Variants in MYPN observed in about 807,000 individuals in gnomAD.
MYPN encodes sarcomeric protein myopalladin, 145 kDa (MYOP).
In MYPN, 63 loss-of-function variants were observed where a neutral mutation model predicts 129.4. The ratio of observed to expected loss-of-function variants is 0.49; its 90% confidence interval spans 0.40 to 0.60. MYPN has a LOEUF of 0.60. MYPN is among the 20% of genes least tolerant of loss of function. The probability of loss-of-function intolerance (pLI) is 0.00; values close to 1 mark genes in which losing one functional copy is unlikely to be tolerated. For synonymous variants in MYPN, 629 were observed against 600.9 expected, an observed-to-expected ratio of 1.05 and a Z score of -0.68; for missense variants, 1,596 against 1,635.4, an observed-to-expected ratio of 0.98 and a Z score of 0.42.
chr10:68,119,834 G>A (rs1427132123), intron 1 of MYPN, among the ~76,000 whole-genome samples: 1 of 152,166 alleles, frequency 6.6e-6, no homozygotes, highest in Admixed American at 6.5e-5. Flanking sequence ...ACTGTGGATG[G>A]TCCTTTCAGT....
intron 2 of MYPN, among the ~76,000 whole-genome samples, chr10:68,138,882 G>C (rs952699701): frequency 3.3e-5 from 5 of 152,184 alleles, no homozygotes; most frequent in Admixed American, 6.5e-5. Flanking sequence ...ATGCTTCTTT[G>C]CTTGTACAAC....
intron 16 of MYPN, 39 bp downstream of exon 16, chr10:68,197,517 A>C (rs2043629957): frequency 1.2e-6 from 2 of 1,609,864 alleles, no homozygotes; most frequent in African/African-American, 2.7e-5. Flanking sequence ...AGATCTGTTC[A>C]TATTTTGTAT....
rs71009012 is a variant in MYPN at position 68,168,991 on chromosome 10, TAAAAAAAA to T, written c.1973+2347_1973+2354del. ...TGGGCGACAGAATGAGATTATTTCT[TAAAAAAAA>T]AAAAAAAAAAAAAAAAAAAAAGACC... is the stretch of plus-strand genomic sequence containing the variant. On this transcript the variant is annotated intron_variant, in intron 10 of 19. Coordinates refer to ENST00000358913, the MANE Select transcript of MYPN (RefSeq NM_032578.4). Among the ~76,000 whole-genome samples, 175 of 80,324 alleles carry T rather than the reference TAAAAAAAA, an allele frequency of 2.2e-3. 1 individual carries two copies. Among genetic ancestry groups the T allele is most frequent in the Non-Finnish European group, 3.4e-3 (155 of 45,920 alleles). The allele number at this position is 80,324 out of a possible 152,430, so 52.7% of individuals were successfully genotyped here. A position where few individuals can be genotyped will look rare whatever the true frequency, so the allele number is the denominator to read the frequency against.
At chr10:68,183,330 T>C (rs567251894) in intron 12 of MYPN, among the ~76,000 whole-genome samples, 142 of 152,092 alleles carry the variant, frequency 9.3e-4, no homozygotes, top group Non-Finnish European at 1.7e-3. Context: ...GTGGGGGTGC[T>C]GTGTGCCTGT....
chr10:68,174,097 C>T lies in MYPN; in HGVS notation c.2005C>T (p.Gln669Ter). 1 of 1,614,024 alleles carries T rather than the reference C, an allele frequency of 6.2e-7. No individual in the cohort carries two copies. The highest frequency in any genetic ancestry group is 8.5e-7 in the Non-Finnish European group (1 of 1,179,964). Reference protein sequence around the residue: ...DSTQLQQLHNQVLLEQHQLQN... With the variant: ...DSTQLQQLHN ...CACTCAGTTACAACAGCTTCATAACCAAGTCTTACTGGAACAACACCAATT... is the reference window on the plus strand; with the variant it reads ...CACTCAGTTACAACAGCTTCATAACTAAGTCTTACTGGAACAACACCAATT... Residue 669 changes from glutamine to a stop codon, truncating the protein, a stop_gained, in exon 11 of 20, where the codon CAA (glutamine) becomes TAA (stop). Coordinates refer to ENST00000358913, the MANE Select transcript of MYPN (RefSeq NM_032578.4). LOFTEE classifies it high-confidence loss of function.
chr10:68,111,447 G>A (rs773798059), intron 1 of MYPN, among the ~76,000 whole-genome samples: 4 of 147,464 alleles, frequency 2.7e-5, no homozygotes, highest in Non-Finnish European at 4.4e-5. Flanking sequence ...GTCTCATGGT[G>A]TTAGATAACA....
intron 15 of MYPN, among the ~76,000 whole-genome samples, chr10:68,195,784 C>T (rs1453970586): frequency 1.0e-5 from 1 of 99,844 alleles, no homozygotes; most frequent in Non-Finnish European, 2.6e-5. Flanking sequence ...GCACTAGTCT[C>T]TGGGGCTTTT....
intron 8 of MYPN, chr10:68,165,441 G>A (rs2043038462): frequency 1.9e-6 from 1 of 522,792 alleles, no homozygotes; most frequent in Non-Finnish European, 3.7e-6. Flanking sequence ...AACAGAGCGA[G>A]ACTCCACCTA....
intron 5 of MYPN, among the ~76,000 whole-genome samples, chr10:68,149,240 A>C (rs576913268): frequency 1.3e-5 from 2 of 152,124 alleles, no homozygotes; most frequent in South Asian, 4.2e-4. Flanking sequence ...CCCCCGAAAA[A>C]TGTATTAAGT....
intron 1 of MYPN, among the ~76,000 whole-genome samples, chr10:68,090,719 T>C (rs548588285): frequency 2.6e-5 from 4 of 152,220 alleles, no homozygotes; most frequent in South Asian, 2.1e-4. Flanking sequence ...CCATTGTTCA[T>C]ACTGTAAAAC....
intron 8 of MYPN, among the ~76,000 whole-genome samples, chr10:68,162,684 G>T (rs992909360): frequency 1.3e-5 from 2 of 152,176 alleles, no homozygotes; most frequent in African/African-American, 2.4e-5. Context: ...GGCCGGGCAT[G>T]GTGGTTCACG....
intron 1 of MYPN, among the ~76,000 whole-genome samples, chr10:68,100,523 A>C (rs1163062012): frequency 2.6e-5 from 4 of 152,332 alleles, no homozygotes; most frequent in African/African-American, 9.6e-5. Flanking sequence ...CACAAAACTC[A>C]TTAGAAGCAG....
At chr10:68,104,274 A>G (rs1019335309), upstream of MYPN, among the ~76,000 whole-genome samples, 2 of 152,248 alleles carry the variant, frequency 1.3e-5, no homozygotes, top group Non-Finnish European at 2.9e-5. Flanking sequence ...GACCAAAAAT[A>G]GAATCTGTGT....
chr10:68,166,393 C>G lies in MYPN; in HGVS notation c.1700C>G (p.Pro567Arg), dbSNP rs749347548. The change falls in exon 10 of 20, where the codon CCT becomes CGT. Residue 567 changes from proline (P) to arginine (R), a missense_variant. Transcript: ENST00000358913. ...EPQPSPPHSE[P>R]PSVEQPPKPK... ...CAGCCCTCCCCACCCCACTCAGAGCCTCCATCTGTGGAACAACCCCCCAAA... is the reference window on the plus strand; with the variant it reads ...CAGCCCTCCCCACCCCACTCAGAGCGTCCATCTGTGGAACAACCCCCCAAA... 1 of 1,614,152 alleles carries G rather than the reference C, an allele frequency of 6.2e-7. No homozygotes were observed.
chr10:68,149,803 T>G (rs1286501341), intron 5 of MYPN, among the ~76,000 whole-genome samples: 3 of 152,132 alleles, frequency 2.0e-5, no homozygotes, highest in East Asian at 3.8e-4. Flanking sequence ...TCCACAGATC[T>G]ACATGTGAAG....
chr10:68,173,482 G>A (rs1258518398), intron 10 of MYPN, among the ~76,000 whole-genome samples: 1 of 152,194 alleles, frequency 6.6e-6, no homozygotes, highest in Non-Finnish European at 1.5e-5. Context: ...TGTGAAGGAC[G>A]CCCTTGGAAA....
chr10:68,121,821 C>T lies in MYPN; in HGVS notation c.383C>T (p.Ser128Phe), dbSNP rs776243788. ...GATAACCCTCGAAGTCCCACCAGCT[C>T]TAAAGAAAGCCCCCAGGAGGCAAAA... ...CQDNPRSPTS[S>F]KESPQEAKRP... The change falls in exon 2 of 20, where the codon TCT becomes TTT. Residue 128 changes from serine to phenylalanine, a missense_variant. Transcript: ENST00000358913. 2.5e-6 allele frequency: 4 copies of T among 1,614,060 alleles called. No individual in the cohort carries two copies. Among genetic ancestry groups the T allele is most frequent in the Non-Finnish European group, 2.5e-6 (3 of 1,180,042 alleles).
At chr10:68,110,671 CCTT>C (rs1460111986) in intron 1 of MYPN, among the ~76,000 whole-genome samples, 6 of 152,134 alleles carry the variant, frequency 3.9e-5, no homozygotes, top group African/African-American at 1.4e-4. Context: ...TATAGTCTCT[CCTT>C]AATAATAACA....
At chr10:68,146,467 A>C (rs1399566555) in intron 4 of MYPN, among the ~76,000 whole-genome samples, 1 of 152,248 alleles carries the variant, frequency 6.6e-6, no homozygotes, top group African/African-American at 2.4e-5. Flanking sequence ...TTTGATCTAT[A>C]AACTTAAATA....
Sources: allele counts gnomAD v4.1 joint callset (sites outside exome capture counted in the v4.1 genomes callset), GRCh38; gene constraint gnomAD v4.1.1; transcripts MANE v1.5; gene names NCBI Gene and HGNC (gene_info 2026-07-23, HGNC 2026-07-21).